CSMD1: variants seen among roughly 807,000 people sequenced by gnomAD.
CSMD1 encodes the protein CUB and sushi domain-containing protein 1.
Under a neutral mutation model 417.5 loss-of-function variants are expected in CSMD1, and 213 were observed. The observed-to-expected ratio is 0.51, with a 90% CI of 0.46 to 0.57. The LOEUF (loss-of-function observed/expected upper bound fraction) is 0.57, where lower values mean the gene tolerates loss of function less well. Ranked by LOEUF, CSMD1 falls within the 20% of genes least tolerant of loss-of-function variation. The pLI is 0.00. For synonymous variants in CSMD1, 2,862 were observed against 1,736.8 expected (o/e 1.65, Z -16.11); for missense variants, 6,923 against 4,529.7 (o/e 1.53, Z -15.17).
intron 6 of CSMD1, among the ~76,000 whole-genome samples, chr8:3,726,539 G>C (rs544570836): frequency 1.2e-4 from 18 of 152,174 alleles, no homozygotes; most frequent in Middle Eastern, 3.2e-3. Context: ...CATAGTTTGG[G>C]TCCAGTGTTT....
chr8:3,831,954 G>A (rs1001399890), intron 5 of CSMD1, among the ~76,000 whole-genome samples: 1 of 152,148 alleles, frequency 6.6e-6, no homozygotes, highest in African/African-American at 2.4e-5. Context: ...AGTTTGCAGA[G>A]TGTATTAGGT....
rs1190239267 is a variant in CSMD1, at chr8:3,511,088, G to T, written c.1345-17362C>A. ...ACTTGATGTCCTTTGCAGGGACATG[G>T]ATGAAGCTGGAAACCATCACTGTCA... On this transcript the variant is annotated intron_variant, in intron 10 of 69. Transcript: ENST00000635120. Among the ~76,000 whole-genome samples the T allele has an allele frequency of 2.6e-5, 4 of 151,762 alleles. 1 individual carries two copies. Among genetic ancestry groups the T allele is most frequent in the African/African-American group, 9.7e-5 (4 of 41,056 alleles).
chr8:3,384,890 TAATA>T (rs1419102414), intron 18 of CSMD1, among the ~76,000 whole-genome samples: 1 of 122,204 alleles, frequency 8.2e-6, no homozygotes, highest in Non-Finnish European at 1.6e-5. Flanking sequence ...TGCAAATATA[TAATA>T]TATATTATAT....
At chr8:4,898,934 T>G (rs1804683248) in intron 1 of CSMD1, among the ~76,000 whole-genome samples, 1 of 152,226 alleles carries the variant, frequency 6.6e-6, no homozygotes, top group African/African-American at 2.4e-5. Flanking sequence ...ATAATGAATT[T>G]TATTCTGAGA....
At chr8:4,930,055 C>T (rs1369692183) in intron 1 of CSMD1, among the ~76,000 whole-genome samples, 1 of 152,232 alleles carries the variant, frequency 6.6e-6, no homozygotes, top group Non-Finnish European at 1.5e-5. Flanking sequence ...CAGAAGCAAA[C>T]CCCACAGGGC....
At chr8:4,045,456 G>C (rs1281767215) in intron 3 of CSMD1, among the ~76,000 whole-genome samples, 1 of 152,174 alleles carries the variant, frequency 6.6e-6, no homozygotes, top group Non-Finnish European at 1.5e-5. Flanking sequence ...ACGTCGGAAG[G>C]GCCACTGGTG....
chr8:4,847,711 T>C (rs1801222846), intron 1 of CSMD1, among the ~76,000 whole-genome samples: 1 of 152,088 alleles, frequency 6.6e-6, no homozygotes, highest in South Asian at 2.1e-4. Flanking sequence ...TTCTTGTTCT[T>C]CACGCCTACC....
At chr8:4,680,714 G>A (rs146999967) in intron 1 of CSMD1, among the ~76,000 whole-genome samples, 4,754 of 152,054 alleles carry the variant, frequency 0.031, 250 homozygotes, top group African/African-American at 0.11. Context: ...CGAGTAGCTG[G>A]GATTACAGGT....
chr8:3,013,779 C>T (rs1168632307), intron 52 of CSMD1, among the ~76,000 whole-genome samples: 1 of 151,586 alleles, frequency 6.6e-6, no homozygotes, highest in African/African-American at 2.4e-5. Flanking sequence ...AAACAGTCCT[C>T]AAAGATCATA....
intron 3 of CSMD1, among the ~76,000 whole-genome samples, chr8:4,394,502 G>C (rs981819749): frequency 1.3e-5 from 2 of 152,136 alleles, no homozygotes; most frequent in East Asian, 1.9e-4. Context: ...CTCTGGGTGT[G>C]AATGAGTGAG....
chr8:3,454,874 G>T (rs1047836186), intron 12 of CSMD1, among the ~76,000 whole-genome samples: 1 of 152,140 alleles, frequency 6.6e-6, no homozygotes, highest in African/African-American at 2.4e-5. Context: ...GCTAGATTGG[G>T]GAAGTTCTCC....
chr8:3,031,437 A>C (rs1191166388), intron 50 of CSMD1, among the ~76,000 whole-genome samples: 1 of 152,126 alleles, frequency 6.6e-6, no homozygotes, highest in African/African-American at 2.4e-5. Context: ...CACGTTGTGC[A>C]CATGTACCCT....
At chr8:3,193,846 G>A (rs761246601) in intron 33 of CSMD1, among the ~76,000 whole-genome samples, 4 of 152,158 alleles carry the variant, frequency 2.6e-5, no homozygotes, top group African/African-American at 4.8e-5. Flanking sequence ...TGACAGGTTC[G>A]ATGATCACCC....
intron 4 of CSMD1, among the ~76,000 whole-genome samples, chr8:4,020,906 G>C (rs189614523): frequency 1.3e-5 from 2 of 152,300 alleles, no homozygotes; most frequent in African/African-American, 2.4e-5. Context: ...ATATGCTTCA[G>C]CAATTGCTGA....
chr8:4,511,049 A>G (rs1802794704), intron 2 of CSMD1, among the ~76,000 whole-genome samples: 1 of 151,880 alleles, frequency 6.6e-6, no homozygotes, highest in Non-Finnish European at 1.5e-5. Context: ...CCCTCTCTTG[A>G]GCTTTCTTTC....
chr8:4,077,186 G>C (rs1242628534), intron 3 of CSMD1, among the ~76,000 whole-genome samples: 1 of 151,118 alleles, frequency 6.6e-6, no homozygotes, highest in Admixed American at 6.6e-5. Context: ...AACTGGTGTA[G>C]AGAGAAGTCT....
Position 4,924,934 on chromosome 8 carries a change from T to C in CSMD1, c.85+69398A>G, listed in dbSNP as rs75590220. 9.3e-3 allele frequency among the ~76,000 whole-genome samples: 1,410 copies of C among 152,196 alleles called. 16 individuals are homozygous for C. The highest frequency in any genetic ancestry group is 0.032 in the African/African-American group (1,325 of 41,544). On this transcript the variant is annotated intron_variant, in intron 1 of 69. Coordinates refer to ENST00000635120, the MANE Select transcript of CSMD1 (RefSeq NM_033225.6). ...TCTTGTCTCTTCAAATCCCGTCTCT[T>C]TTTCTGTATTATGCAACGGAAGAAT...
intron 2 of CSMD1, among the ~76,000 whole-genome samples, chr8:4,530,144 A>C (rs1031611897): frequency 6.6e-6 from 1 of 151,488 alleles, no homozygotes; most frequent in African/African-American, 2.4e-5. Flanking sequence ...CGATCTCCTG[A>C]CCTTGTGATC....
intron 10 of CSMD1, among the ~76,000 whole-genome samples, chr8:3,540,483 A>G (rs879926144): frequency 6.6e-6 from 1 of 152,376 alleles, no homozygotes; most frequent in African/African-American, 2.4e-5. Context: ...CAACGAATTC[A>G]TGACAAAAAT....
Sources: allele counts gnomAD v4.1 joint callset (sites outside exome capture counted in the v4.1 genomes callset), GRCh38; gene constraint gnomAD v4.1.1; transcripts MANE v1.5; gene names NCBI Gene and HGNC (gene_info 2026-07-23, HGNC 2026-07-21).